ULK2: variants seen among roughly 807,000 people sequenced by gnomAD.
ULK2 encodes the protein serine/threonine-protein kinase ULK2.
A neutral mutation model predicts 127.5 loss-of-function variants in ULK2; 76 were observed. That is an observed-to-expected ratio of 0.60 (90% CI 0.50 to 0.72). ULK2 has a LOEUF of 0.72. Among genes scored for constraint, ULK2 ranks in the 30% least tolerant of loss-of-function variants. ULK2 has a pLI of 0.00. For missense variants in ULK2, 1,144 were observed against 1,295.9 expected (o/e 0.88, Z 1.80); for synonymous variants, 452 against 461.9 (o/e 0.98, Z 0.28).
chr17:19,822,288 C>T (rs113231069), intron 12 of ULK2, among the ~76,000 whole-genome samples: 4,700 of 152,024 alleles, frequency 0.031, 229 homozygotes, highest in African/African-American at 0.11. Context: ...CCTGGCCCAA[C>T]CTTACTTTTT....
chr17:19,804,521 A>T (rs1156968666), intron 15 of ULK2, among the ~76,000 whole-genome samples, 172 bp downstream of exon 15: 1 of 152,138 alleles, frequency 6.6e-6, no homozygotes, highest in African/African-American at 2.4e-5. Context: ...AGCTAAGCTT[A>T]AATAGCATTT....
intron 10 of ULK2, among the ~76,000 whole-genome samples, chr17:19,833,127 G>GAAAAAA (rs71157837): frequency 7.8e-5 from 9 of 115,488 alleles, no homozygotes; most frequent in African/African-American, 3.2e-4. Context: ...TGTCTCAAAG[G>GAAAAAA]AAAAAAAAAA....
At chr17:19,810,494 C>A in intron 13 of ULK2, 56 bp from the exon 14 acceptor site, 3 of 1,123,420 alleles carry the variant, frequency 2.7e-6, no homozygotes, top group Non-Finnish European at 3.9e-6. Flanking sequence ...TAAAAAAACA[C>A]AAATTTGTTC....
intron 9 of ULK2, chr17:19,840,390 T>C: frequency 3.8e-6 from 2 of 519,796 alleles, no homozygotes; most frequent in African/African-American, 2.0e-5. Context: ...AAACTCACTC[T>C]TGGGCGCTCT....
chr17:19,833,178 G>A (rs1468648516), intron 10 of ULK2, among the ~76,000 whole-genome samples: 1 of 150,978 alleles, frequency 6.6e-6, no homozygotes, highest in Non-Finnish European at 1.5e-5. Context: ...GGGAGAGGGG[G>A]AGGGTTCAAA....
chr17:19,804,900 A>G, intron 14 of ULK2, 70 bp from the exon 15 acceptor site: 1 of 1,515,214 alleles, frequency 6.6e-7, no homozygotes, highest in Non-Finnish European at 8.9e-7. Context: ...TTGACCCATT[A>G]GTTATATTTA....
intron 5 of ULK2, among the ~76,000 whole-genome samples, chr17:19,847,642 C>T (rs754380162): frequency 6.6e-6 from 1 of 152,142 alleles, no homozygotes; most frequent in Non-Finnish European, 1.5e-5. Flanking sequence ...CTCCGCCTCC[C>T]GGGTTCAAGA....
chr17:19,775,339 A>AGTTCCT lies in ULK2; in HGVS notation c.*1009_*1010insAGGAAC, dbSNP rs2086795196. ...TCATTTTCCACTCACTGCATGTAGG[A>AGTTCCT]ACTCCACATCACTAACAAGCCTTTA... On this transcript the variant is annotated 3_prime_UTR_variant, in exon 27 of 27. Coordinates refer to ENST00000395544, the MANE Select transcript of ULK2 (RefSeq NM_014683.4). The AGTTCCT allele has an allele frequency of 6.6e-6, 1 of 152,662 alleles. No homozygotes were observed. The allele number at this position is 152,662 out of a possible 1,614,324, so 9.5% of individuals were successfully genotyped here.
chr17:19,798,946 G>A (rs2087334283), intron 17 of ULK2, among the ~76,000 whole-genome samples: 2 of 151,416 alleles, frequency 1.3e-5, no homozygotes, highest in Non-Finnish European at 2.9e-5. Context: ...GTGTATCACA[G>A]GGTCAGGAGT....
At chr17:19,808,173 T>A (rs1392072832) in intron 14 of ULK2, among the ~76,000 whole-genome samples, 1 of 152,116 alleles carries the variant, frequency 6.6e-6, no homozygotes, top group Non-Finnish European at 1.5e-5. Context: ...GACCACACAA[T>A]GGGACAGGGA....
intron 4 of ULK2, 133 bp downstream of exon 4, chr17:19,849,609 C>A: frequency 1.2e-6 from 1 of 817,950 alleles, no homozygotes. Context: ...TACAAAAATT[C>A]AAATAATCTA....
At chr17:19,835,444 C>A (rs1365608172) in intron 10 of ULK2, among the ~76,000 whole-genome samples, 2 of 147,460 alleles carry the variant, frequency 1.4e-5, no homozygotes, top group African/African-American at 2.5e-5. Flanking sequence ...AGGCCGGGCG[C>A]GGTGGCTCAC....
At chr17:19,858,180 G>A (rs183635014) in intron 3 of ULK2, among the ~76,000 whole-genome samples, 4 of 152,006 alleles carry the variant, frequency 2.6e-5, no homozygotes, top group South Asian at 2.1e-4. Flanking sequence ...TGGGCAGGTC[G>A]CTTAAGCTCA....
chr17:19,842,344 T>C (rs1597799506), intron 8 of ULK2, among the ~76,000 whole-genome samples: 1 of 151,852 alleles, frequency 6.6e-6, no homozygotes, highest in Non-Finnish European at 1.5e-5. Flanking sequence ...ATTACAGGCA[T>C]GTGCCACCAC....
chr17:19,829,973 A>C (rs1387575842), intron 10 of ULK2, among the ~76,000 whole-genome samples: 1 of 152,188 alleles, frequency 6.6e-6, no homozygotes, highest in Non-Finnish European at 1.5e-5. Context: ...AGAGATTTGT[A>C]CAATAATAGT....
chr17:19,785,822 G>A, intron 21 of ULK2, 115 bp downstream of exon 21: 1 of 1,284,070 alleles, frequency 7.8e-7, no homozygotes. Context: ...CACTGGTAAA[G>A]AAACTGAAGC....
chr17:19,790,281 G>C (rs1457313789), intron 20 of ULK2, among the ~76,000 whole-genome samples: 2 of 152,154 alleles, frequency 1.3e-5, no homozygotes, highest in African/African-American at 4.8e-5. Context: ...GCCAGGTGTG[G>C]TGGCAGGCGC....
chr17:19,795,053 T>C (rs937397856), intron 20 of ULK2, among the ~76,000 whole-genome samples: 4 of 151,788 alleles, frequency 2.6e-5, no homozygotes, highest in Non-Finnish European at 4.4e-5. Context: ...CCCTCCAACC[T>C]GGGCGACTGA....
chr17:19,804,800 G>T lies in ULK2; in HGVS notation c.1188C>A (p.Ser396Arg), dbSNP rs753204495. 201 of 1,612,744 alleles carry T rather than the reference G, an allele frequency of 1.2e-4. No individual in the cohort carries two copies. Among genetic ancestry groups the T allele is most frequent in the Non-Finnish European group, 1.7e-4 (195 of 1,179,352 alleles). ...GQCQPTVSPH[S>R]ETAPIPVPTQ... The stretch of plus-strand genomic sequence containing the variant: ...TAGGAACTGGAATTGGTGCTGTTTC[G>T]CTGTGAGGTGACACAGTAGGCTGAC... The change falls in exon 15 of 27, where the codon AGC becomes AGA. Residue 396 changes from serine (S) to arginine (R), a missense_variant. By Grantham distance (110) the Ser-to-Arg change is moderately radical (BLOSUM62 -1). Around this residue, in one of 2 missense-constraint regions of ULK2, gnomAD observed 913 missense variants for 970.5 expected, o/e 0.94. Transcript: ENST00000395544.
Sources: allele counts gnomAD v4.1 joint callset (sites outside exome capture counted in the v4.1 genomes callset), GRCh38; gene constraint gnomAD v4.1.1; regional missense constraint gnomAD v4.1.1; transcripts MANE v1.5; gene names NCBI Gene and HGNC (gene_info 2026-07-23, HGNC 2026-07-21).